Variants in AAR2 observed in about 807,000 individuals in gnomAD.
AAR2 encodes AAR2 splicing factor, also known as protein AAR2 homolog.
In AAR2, 31 loss-of-function variants were observed where a neutral mutation model predicts 26.9. The observed-to-expected ratio is 1.15, with a 90% CI of 0.86 to 1.55. The LOEUF (loss-of-function observed/expected upper bound fraction) is 1.55, where lower values mean the gene tolerates loss of function less well. Ranked by LOEUF, AAR2 falls within the 40% of genes most tolerant of loss-of-function variation. The pLI, the probability that AAR2 is intolerant of heterozygous loss-of-function variation, is 0.00. For missense variants in AAR2, 430 were observed against 491.3 expected (o/e 0.88, Z 1.18); for synonymous variants, 188 against 196.1 (o/e 0.96, Z 0.34).
intron 1 of AAR2, among the ~76,000 whole-genome samples, chr20:36,238,056 T>C (rs543412775): frequency 6.6e-6 from 1 of 152,184 alleles, no homozygotes; most frequent in South Asian, 2.1e-4. Context: ...AGTGCTGTGA[T>C]TACAGGCGTG....
rs1318929354 is a variant in AAR2, at chr20:36,240,497, A to G, written c.629A>G (p.Glu210Gly). The change falls in exon 2 of 4, where the codon GAG becomes GGG. Residue 210 changes from glutamate to glycine, a missense_variant. Transcript: ENST00000320849. ...GCCGGGACAGAGATCCGCTTCTCAG[A>G]GCTGCCCACGCAGATGTTCCCAGAG... ...PRAGTEIRFS[E>G]LPTQMFPEGA... is the part of the protein sequence containing the mutation. 1.2e-6 allele frequency: 2 copies of G among 1,614,080 alleles called. No individual in the cohort carries two copies. Among genetic ancestry groups the G allele is most frequent in the Non-Finnish European group, 1.7e-6 (2 of 1,180,034 alleles).
intron 2 of AAR2, 39 bp downstream of exon 2, chr20:36,240,664 GA>G (rs778303163): frequency 7.6e-6 from 12 of 1,587,958 alleles, no homozygotes; most frequent in Non-Finnish European, 1.0e-5. Flanking sequence ...GGGCCAAGGG[GA>G]GGATATTAGC....
At position 36,256,748 on chromosome 20, in the gene AAR2, C is replaced by G. The variant is rs961714682; in HGVS notation, c.*1003C>G. The stretch of plus-strand genomic sequence containing the variant: ...TCCTCTCTAGACAAGTACACAGGCC[C>G]TGCCACCCTGACATCAAACTGTTGT... On this transcript the variant is annotated 3_prime_UTR_variant, in exon 4 of 4. Coordinates refer to ENST00000320849, the MANE Select transcript of AAR2 (RefSeq NM_001271874.2). 2.0e-5 allele frequency: 3 copies of G among 152,612 alleles called. No individual in the cohort carries two copies. Among genetic ancestry groups the G allele is most frequent in the Non-Finnish European group, 2.9e-5 (2 of 68,048 alleles). 9.5% of individuals were successfully genotyped at this position (152,612 alleles called of 1,614,324 possible).
chr20:36,252,596 G>A (rs2147298778), intron 3 of AAR2, among the ~76,000 whole-genome samples: 1 of 152,310 alleles, frequency 6.6e-6, no homozygotes, highest in South Asian at 2.1e-4. Flanking sequence ...GGAGAAAGCA[G>A]GAGATGGAAA....
chr20:36,247,934 A>C (rs1026880238), intron 3 of AAR2, among the ~76,000 whole-genome samples: 6 of 152,228 alleles, frequency 3.9e-5, no homozygotes, highest in Admixed American at 3.9e-4. Context: ...ATGCCCTCTT[A>C]ACAGATTTTC....
intron 1 of AAR2, among the ~76,000 whole-genome samples, chr20:36,237,281 C>G (rs1478321522): frequency 2.0e-5 from 3 of 152,174 alleles, no homozygotes; most frequent in African/African-American, 7.2e-5. Flanking sequence ...CACTCAGAAG[C>G]TGACATGGGT....
intron 3 of AAR2, among the ~76,000 whole-genome samples, chr20:36,251,984 G>A (rs2064783776): frequency 6.6e-6 from 1 of 152,202 alleles, no homozygotes; most frequent in South Asian, 2.1e-4. Context: ...CTGGCCCTGG[G>A]TGATATGCTT....
At position 36,240,388 on chromosome 20, in the gene AAR2, G is replaced by C. The variant is rs746800707; in HGVS notation, c.520G>C (p.Val174Leu). 1 of 1,614,244 alleles carries C rather than the reference G, an allele frequency of 6.2e-7. No homozygotes were observed. Among genetic ancestry groups the C allele is most frequent in the South Asian group, 1.1e-5 (1 of 91,088 alleles). The change falls in exon 2 of 4, where the codon GTG (valine) becomes CTG (leucine). Residue 174 changes from valine to leucine, a missense_variant. Coordinates refer to ENST00000320849, the MANE Select transcript of AAR2 (RefSeq NM_001271874.2). ...CTCCATGAAGCACACCAAGGACCGC[G>C]TGGGGCAGAATCTACCCCGCTGTGG... ...VLSMKHTKDR[V>L]GQNLPRCGIE...
chr20:36,252,981 A>C (rs1396095332), intron 3 of AAR2, among the ~76,000 whole-genome samples: 1 of 151,902 alleles, frequency 6.6e-6, no homozygotes, highest in Non-Finnish European at 1.5e-5. Context: ...CCTGCTAATT[A>C]GTTATTGATC....
chr20:36,241,766 A>G (rs2064682394), intron 2 of AAR2, among the ~76,000 whole-genome samples: 1 of 152,164 alleles, frequency 6.6e-6, no homozygotes, highest in Admixed American at 6.5e-5. Flanking sequence ...CTGGGCAACA[A>G]GAGCCGTCTC....
intron 2 of AAR2, 39 bp downstream of exon 2, chr20:36,240,664 G>A (rs776998584): frequency 6.3e-7 from 1 of 1,588,076 alleles, no homozygotes; most frequent in South Asian, 1.1e-5. Context: ...GGGCCAAGGG[G>A]AGGATATTAG....
intron 3 of AAR2, 114 bp from the exon 4 acceptor site, chr20:36,255,464 C>G: frequency 8.1e-7 from 1 of 1,230,290 alleles, no homozygotes; most frequent in Non-Finnish European, 1.2e-6. Flanking sequence ...CCTATGCCAG[C>G]AGCAGCTGAT....
At chr20:36,237,750 GTATTATTAT>G (rs71184090) in intron 1 of AAR2, among the ~76,000 whole-genome samples, 5,196 of 139,004 alleles carry the variant, frequency 0.037, 127 homozygotes, top group African/African-American at 0.071. Flanking sequence ...AAGATGATAC[GTATTATTAT>G]TATTATTATT....
At chr20:36,245,050 G>T in intron 3 of AAR2, 124 bp downstream of exon 3, 1 of 848,412 alleles carries the variant, frequency 1.2e-6, no homozygotes. Context: ...CCTAGTCTTG[G>T]GATATTTCCT....
intron 3 of AAR2, among the ~76,000 whole-genome samples, chr20:36,248,388 T>A (rs2064754894): frequency 1.3e-5 from 2 of 150,288 alleles, no homozygotes; most frequent in Admixed American, 6.7e-5. Context: ...CAGGCTGGAG[T>A]ACAATGGCGC....
At position 36,240,148 on chromosome 20, in the gene AAR2, C is replaced by G. The variant is rs2064661787; in HGVS notation, c.280C>G (p.Leu94Val). The G allele has an allele frequency of 6.2e-7, 1 of 1,614,218 alleles. No individual in the cohort carries two copies. The highest frequency in any genetic ancestry group is 2.2e-5 in the East Asian group (1 of 44,880). ...GCTGACAGTGCTGCGCTGGAGCACA[C>G]TCAGGGAAGAGGTAGACCTGTCCCC... ...RGLTVLRWST[L>V]REEVDLSPAP... The change falls in exon 2 of 4, where the codon CTC (leucine) becomes GTC (valine). Residue 94 changes from leucine to valine, a missense_variant. Leu to Val is a conservative substitution (Grantham distance 32). Coordinates refer to ENST00000320849, the MANE Select transcript of AAR2 (RefSeq NM_001271874.2).
intron 3 of AAR2, among the ~76,000 whole-genome samples, chr20:36,246,181 G>A (rs1332183424): frequency 6.6e-6 from 1 of 152,190 alleles, no homozygotes; most frequent in Non-Finnish European, 1.5e-5. Flanking sequence ...TTTCCTGCCT[G>A]TGCTTATGCC....
At position 36,240,310 on chromosome 20, in the gene AAR2, C is replaced by T. The variant is rs745475861; in HGVS notation, c.442C>T (p.Leu148=). ...CATCAGCGAAGCCACAGTGGAGAAG[C>T]TACAGCCCGAGAATCGACAGATCTG... ...NFISEATVEK[L]QPENRQICAF... The change falls in exon 2 of 4, where the codon CTA becomes TTA. Residue 148 remains leucine, a synonymous_variant. Coordinates refer to ENST00000320849, the MANE Select transcript of AAR2 (RefSeq NM_001271874.2). 1.2e-6 allele frequency: 2 copies of T among 1,614,240 alleles called. No homozygotes were observed. The highest frequency in any genetic ancestry group is 2.2e-5 in the East Asian group (1 of 44,884).
intron 1 of AAR2, among the ~76,000 whole-genome samples, chr20:36,238,774 A>G (rs950719464): frequency 1.3e-5 from 2 of 151,628 alleles, no homozygotes; most frequent in East Asian, 3.9e-4. Flanking sequence ...AAAAAAAAAA[A>G]GTAAACAATT....
Sources: gnomAD v4.1 joint callset for allele counts (sites outside exome capture counted in the v4.1 genomes callset) on GRCh38, gnomAD v4.1.1 for gene constraint, MANE v1.5 for transcripts, NCBI Gene and HGNC (gene_info 2026-07-23, HGNC 2026-07-21) for gene names.